Variants in CABCOCO1 observed in about 807,000 individuals in gnomAD.
The protein encoded by CABCOCO1 is ciliary-associated calcium-binding coiled-coil protein 1.
Under a neutral mutation model 35.7 loss-of-function variants are expected in CABCOCO1, and 28 were observed. The ratio of observed to expected loss-of-function variants is 0.78; its 90% CI spans 0.58 to 1.07. The LOEUF (loss-of-function observed/expected upper bound fraction) is 1.07. Among genes scored for constraint, CABCOCO1 ranks in the 50% least tolerant of loss-of-function variants. The pLI, the probability that CABCOCO1 is intolerant of heterozygous loss-of-function variation, is 0.00. For synonymous variants in CABCOCO1, 95 were observed against 100.1 expected (o/e 0.95, Z 0.30); for missense variants, 326 against 309.2 (o/e 1.05, Z -0.41).
At chr10:61,707,030 A>G (rs1053967268) in intron 5 of CABCOCO1, among the ~76,000 whole-genome samples, 6 of 152,134 alleles carry the variant, frequency 3.9e-5, no homozygotes, top group Non-Finnish European at 7.4e-5. Flanking sequence ...TTTCTCTTAG[A>G]ACCCTAACTC....
chr10:61,711,410 A>G (rs10994890), intron 5 of CABCOCO1, among the ~76,000 whole-genome samples: 83,535 of 151,660 alleles, frequency 0.55, 23,832 homozygotes, highest in Admixed American at 0.68. Context: ...TTCCTAATAA[A>G]AAAAGGCACC....
intron 5 of CABCOCO1, among the ~76,000 whole-genome samples, chr10:61,708,548 G>T (rs74571269): frequency 0.014 from 2,058 of 152,186 alleles, 26 homozygotes; most frequent in South Asian, 0.047. Flanking sequence ...GAGAAGACTT[G>T]CTCTCTGCTT....
intron 5 of CABCOCO1, among the ~76,000 whole-genome samples, chr10:61,699,843 T>C (rs1840403140): frequency 1.3e-5 from 2 of 152,292 alleles, no homozygotes; most frequent in South Asian, 4.1e-4. Context: ...CCATGAGATC[T>C]GGGTAACTGA....
At chr10:61,694,350 T>A (rs72821791) in intron 5 of CABCOCO1, among the ~76,000 whole-genome samples, 23,286 of 149,240 alleles carry the variant, frequency 0.16, 2,005 homozygotes, top group Middle Eastern at 0.22. Flanking sequence ...TTATTGTTTA[T>A]TTTTCTTAAA....
At chr10:61,696,982 T>C (rs1840313541) in intron 5 of CABCOCO1, among the ~76,000 whole-genome samples, 1 of 152,124 alleles carries the variant, frequency 6.6e-6, no homozygotes, top group African/African-American at 2.4e-5. Context: ...TTCTTAAATA[T>C]AAGATTAGCT....
chr10:61,677,191 A>G (rs181363400), intron 2 of CABCOCO1, among the ~76,000 whole-genome samples: 11 of 152,278 alleles, frequency 7.2e-5, no homozygotes, highest in Non-Finnish European at 1.5e-4. Context: ...TCTTGATGAA[A>G]GACTTACTTG....
intron 2 of CABCOCO1, among the ~76,000 whole-genome samples, chr10:61,679,280 C>T (rs1839622567): frequency 7.7e-6 from 1 of 130,302 alleles, no homozygotes; most frequent in South Asian, 2.6e-4. Flanking sequence ...TTAGAATGAG[C>T]TTATATCTAT....
intron 5 of CABCOCO1, among the ~76,000 whole-genome samples, chr10:61,717,646 G>A (rs891277986): frequency 1.3e-5 from 2 of 152,066 alleles, no homozygotes; most frequent in Non-Finnish European, 1.5e-5. Flanking sequence ...AGAATTATGC[G>A]ATCTATTTGA....
At chr10:61,730,305 A>T (rs901836312) in intron 5 of CABCOCO1, among the ~76,000 whole-genome samples, 1 of 152,164 alleles carries the variant, frequency 6.6e-6, no homozygotes, top group African/African-American at 2.4e-5. Flanking sequence ...AAAGACACAG[A>T]TCCAGCTTGA....
At chr10:61,733,710 A>G (rs1393673397) in intron 5 of CABCOCO1, among the ~76,000 whole-genome samples, 1 of 152,138 alleles carries the variant, frequency 6.6e-6, no homozygotes, top group Non-Finnish European at 1.5e-5. Context: ...TTCACAGTTC[A>G]GAAGATTTGC....
chr10:61,742,202 G>T (rs975921752), intron 5 of CABCOCO1, among the ~76,000 whole-genome samples: 1 of 152,204 alleles, frequency 6.6e-6, no homozygotes, highest in Admixed American at 6.5e-5. Context: ...AAGACTCGGG[G>T]GGAGACAGGG....
chr10:61,761,217 T>C (rs573189780), intron 7 of CABCOCO1, among the ~76,000 whole-genome samples: 1 of 151,994 alleles, frequency 6.6e-6, no homozygotes, highest in South Asian at 2.1e-4. Context: ...TGGTGCATGT[T>C]ATCAGTTAAA....
At chr10:61,738,359 T>C (rs1841472442) in intron 5 of CABCOCO1, among the ~76,000 whole-genome samples, 1 of 152,186 alleles carries the variant, frequency 6.6e-6, no homozygotes, top group African/African-American at 2.4e-5. Context: ...GTACTGTCTA[T>C]TTCTGGATTT....
At chr10:61,687,927 G>C (rs1035175753) in intron 4 of CABCOCO1, among the ~76,000 whole-genome samples, 8 of 152,214 alleles carry the variant, frequency 5.3e-5, no homozygotes, top group African/African-American at 1.9e-4. Flanking sequence ...CTGGAATTGA[G>C]TCTGCAGTTG....
chr10:61,707,476 G>C (rs1412282327), intron 5 of CABCOCO1, among the ~76,000 whole-genome samples: 1 of 152,152 alleles, frequency 6.6e-6, no homozygotes, highest in African/African-American at 2.4e-5. Flanking sequence ...ATCACCTGTG[G>C]ATGTCCAGAG....
intron 6 of CABCOCO1, 83 bp downstream of exon 6, chr10:61,760,264 T>G: frequency 1.4e-6 from 2 of 1,473,884 alleles, no homozygotes. Flanking sequence ...AAATGTTTTC[T>G]TCATTTTCTT....
intron 5 of CABCOCO1, among the ~76,000 whole-genome samples, chr10:61,734,379 T>C (rs567738719): frequency 6.6e-6 from 1 of 152,144 alleles, no homozygotes; most frequent in East Asian, 1.9e-4. Flanking sequence ...CCACCCAAGC[T>C]TTTCTAATTT....
At chr10:61,738,567 ATATT>A in intron 5 of CABCOCO1, among the ~76,000 whole-genome samples, 1 of 152,232 alleles carries the variant, frequency 6.6e-6, no homozygotes, top group Non-Finnish European at 1.5e-5. Flanking sequence ...TAATTTTTAC[ATATT>A]TAAATTCAAA....
At chr10:61,745,825 A>G (rs550626151) in intron 5 of CABCOCO1, among the ~76,000 whole-genome samples, 1 of 152,336 alleles carries the variant, frequency 6.6e-6, no homozygotes, top group South Asian at 2.1e-4. Flanking sequence ...TTTCTTTGAA[A>G]GACCCACAGT....
Sources: gnomAD v4.1 joint callset for allele counts (sites outside exome capture counted in the v4.1 genomes callset) on GRCh38, gnomAD v4.1.1 for gene constraint, MANE v1.5 for transcripts, NCBI Gene and HGNC (gene_info 2026-07-23, HGNC 2026-07-21) for gene names.